PTGER3: variants seen among roughly 807,000 people sequenced by gnomAD.
The protein encoded by PTGER3 is prostaglandin E receptor 3, also known as prostaglandin E2 receptor EP3 subtype.
A neutral mutation model predicts 34.7 loss-of-function variants in PTGER3; 22 were observed. The observed-to-expected ratio is 0.63, with a 90% CI of 0.45 to 0.91. The LOEUF (loss-of-function observed/expected upper bound fraction) is 0.91. Among genes scored for constraint, PTGER3 ranks in the 40% least tolerant of loss-of-function variants. The probability of loss-of-function intolerance (pLI) is 0.00; values close to 1 mark genes in which losing one functional copy is unlikely to be tolerated. For synonymous variants in PTGER3, 241 were observed against 230.1 expected, an observed-to-expected ratio of 1.05 and a Z score of -0.43; for missense variants, 468 against 519.4, an observed-to-expected ratio of 0.90 and a Z score of 0.96.
intron 4 of PTGER3, among the ~76,000 whole-genome samples, chr1:70,867,598 G>A (rs544910217): frequency 3.3e-5 from 5 of 152,180 alleles, no homozygotes; most frequent in African/African-American, 9.6e-5. Context: ...GGTGGCAGGC[G>A]CCTGTAGTCC....
intron 4 of PTGER3, among the ~76,000 whole-genome samples, chr1:70,936,387 GC>G (rs1649234654): frequency 6.6e-6 from 1 of 152,178 alleles, no homozygotes; most frequent in Admixed American, 6.6e-5. Flanking sequence ...AGCAGGCACA[GC>G]AATGTTTTAT....
At chr1:70,956,838 G>A (rs1437841997) in intron 2 of PTGER3, among the ~76,000 whole-genome samples, 2 of 152,030 alleles carry the variant, frequency 1.3e-5, no homozygotes, top group African/African-American at 2.4e-5. Context: ...ACCCCATCTC[G>A]ACAAAAATTA....
At chr1:70,888,255 ACT>A (rs60384879) in intron 4 of PTGER3, among the ~76,000 whole-genome samples, 7,378 of 152,074 alleles carry the variant, frequency 0.049, 417 homozygotes, top group East Asian at 0.22. Context: ...AGATCCAAAG[ACT>A]CTGAAAAACC....
intron 4 of PTGER3, among the ~76,000 whole-genome samples, chr1:70,944,025 GTACT>G (rs1649998180): frequency 2.6e-5 from 4 of 152,034 alleles, no homozygotes; most frequent in Admixed American, 2.0e-4. Context: ...ATAAAAAAGA[GTACT>G]TACTTAAATC....
chr1:70,963,374 T>C (rs569558981), intron 2 of PTGER3, among the ~76,000 whole-genome samples: 1 of 152,258 alleles, frequency 6.6e-6, no homozygotes, highest in African/African-American at 2.4e-5. Flanking sequence ...GCATGGGGGT[T>C]CCAACCTCAC....
At chr1:70,948,945 G>A (rs1650482097), downstream of PTGER3, among the ~76,000 whole-genome samples, 1 of 152,100 alleles carries the variant, frequency 6.6e-6, no homozygotes, top group African/African-American at 2.4e-5. Flanking sequence ...ATTAGAGCAC[G>A]CTTCTCAAAA....
intron 4 of PTGER3, chr1:70,862,542 G>T: frequency 2.6e-6 from 1 of 377,910 alleles, no homozygotes; most frequent in Non-Finnish European, 5.1e-6. Flanking sequence ...TCATGGCTTT[G>T]ACTTAGAAAG....
At chr1:70,958,293 G>A (rs144966439) in intron 2 of PTGER3, among the ~76,000 whole-genome samples, 102 of 152,226 alleles carry the variant, frequency 6.7e-4, no homozygotes, top group South Asian at 1.9e-3. Flanking sequence ...CATAATGGCT[G>A]TATTACCTTA....
At chr1:70,917,078 ATTG>A (rs1647189640) in intron 4 of PTGER3, among the ~76,000 whole-genome samples, 1 of 152,030 alleles carries the variant, frequency 6.6e-6, no homozygotes, top group East Asian at 1.9e-4. Flanking sequence ...TATACACTAC[ATTG>A]TTATTTGCTA....
At chr1:70,963,459 G>A (rs1238890388) in intron 2 of PTGER3, among the ~76,000 whole-genome samples, 3 of 152,180 alleles carry the variant, frequency 2.0e-5, no homozygotes, top group African/African-American at 7.2e-5. Flanking sequence ...TGGATATCCA[G>A]GCATCTGCAC....
intron 4 of PTGER3, among the ~76,000 whole-genome samples, chr1:70,941,272 A>G (rs1274972685): frequency 1.3e-5 from 2 of 152,208 alleles, no homozygotes; most frequent in Non-Finnish European, 2.9e-5. Flanking sequence ...GTTTTTTACC[A>G]TTGAATACTT....
At chr1:70,987,132 C>T (rs1430690095) in intron 2 of PTGER3, among the ~76,000 whole-genome samples, 1 of 152,066 alleles carries the variant, frequency 6.6e-6, no homozygotes, top group Non-Finnish European at 1.5e-5. Flanking sequence ...TGGCCCTAAA[C>T]AAATATGGTT....
chr1:70,938,930 A>T (rs1279121515), intron 4 of PTGER3, among the ~76,000 whole-genome samples: 1 of 152,130 alleles, frequency 6.6e-6, no homozygotes, highest in African/African-American at 2.4e-5. Flanking sequence ...AAAACCAGTC[A>T]TGCCTTCCCA....
At chr1:71,023,824 T>C (rs774170130) in intron 1 of PTGER3, among the ~76,000 whole-genome samples, 25 of 151,432 alleles carry the variant, frequency 1.7e-4, no homozygotes, top group African/African-American at 2.2e-4. Flanking sequence ...TAACCTCTTA[T>C]GGTTTTTTTT....
chr1:70,940,012 C>T (rs1427973343), intron 4 of PTGER3, among the ~76,000 whole-genome samples: 1 of 152,202 alleles, frequency 6.6e-6, no homozygotes, highest in Non-Finnish European at 1.5e-5. Flanking sequence ...CTTTTAAGCT[C>T]TGCTTCTCTT....
chr1:71,041,829 C>T (rs1309741359), intron 1 of PTGER3, among the ~76,000 whole-genome samples: 1 of 152,214 alleles, frequency 6.6e-6, no homozygotes, highest in Non-Finnish European at 1.5e-5. Flanking sequence ...AGATGTACAG[C>T]GTTTTAGGGG....
In PTGER3 at chr1:70,974,745, G is replaced by A. The variant is rs575173519; in HGVS notation, c.1078-357C>T. ...TTTTCGTGATTTCCCATTGCTCTGG[G>A]ATAAAGAATAGAATTCCTAACATGA... On this transcript the variant is annotated intron_variant, in intron 2 of 3. Coordinates refer to ENST00000306666, the MANE Select transcript of PTGER3 (RefSeq NM_198719.2). Among the ~76,000 whole-genome samples the A allele has an allele frequency of 7.9e-5, 12 of 152,256 alleles. No individual in the cohort carries two copies. The South Asian group carries it at 2.5e-3, about 32-fold the overall frequency.
intron 2 of PTGER3, among the ~76,000 whole-genome samples, chr1:70,981,910 CTG>C (rs1298169876): frequency 6.6e-6 from 1 of 152,066 alleles, no homozygotes; most frequent in Non-Finnish European, 1.5e-5. Context: ...ACCCTCCATG[CTG>C]CCCCCACAGT....
chr1:70,979,369 C>T (rs557138467), intron 2 of PTGER3, among the ~76,000 whole-genome samples: 1 of 150,998 alleles, frequency 6.6e-6, no homozygotes, highest in South Asian at 2.1e-4. Flanking sequence ...AACTAGAAAC[C>T]AGGCTTCTGG....
Sources: gnomAD v4.1 joint callset for allele counts (sites outside exome capture counted in the v4.1 genomes callset) on GRCh38, gnomAD v4.1.1 for gene constraint, MANE v1.5 for transcripts, NCBI Gene and HGNC (gene_info 2026-07-23, HGNC 2026-07-21) for gene names.